The following NFASC variants were observed in gnomAD, a reference collection of about 807,000 sequenced individuals.
NFASC encodes the protein neurofascin homolog.
Under a neutral mutation model 147.5 loss-of-function variants are expected in NFASC, and 43 were observed. The ratio of observed to expected loss-of-function variants is 0.29; its 90% CI spans 0.23 to 0.38. The LOEUF is 0.38. Among genes scored for constraint, NFASC ranks in the 10% least tolerant of loss-of-function variants. The pLI, the probability that NFASC is intolerant of heterozygous loss-of-function variation, is 1.00. For synonymous variants in NFASC, 622 were observed against 665.5 expected, an observed-to-expected ratio of 0.93 and a Z score of 1.01; for missense variants, 1,320 against 1,689.0, an observed-to-expected ratio of 0.78 and a Z score of 3.83.
At chr1:204,909,277 A>G (rs2086771176) in intron 1 of NFASC, among the ~76,000 whole-genome samples, 2 of 152,154 alleles carry the variant, frequency 1.3e-5, no homozygotes, top group Admixed American at 1.3e-4. Flanking sequence ...AAATTTAGTC[A>G]TTCCAATAGG....
chr1:205,001,602 G>A (rs1001406755), intron 26 of NFASC, among the ~76,000 whole-genome samples: 3 of 152,132 alleles, frequency 2.0e-5, no homozygotes, highest in Non-Finnish European at 4.4e-5. Context: ...GCCCCCAAAT[G>A]AGCCAAATCT....
At chr1:204,887,732 G>A (rs1298571972) in intron 1 of NFASC, among the ~76,000 whole-genome samples, 1 of 151,592 alleles carries the variant, frequency 6.6e-6, no homozygotes, top group Admixed American at 6.6e-5. Flanking sequence ...AAGTAGCTGG[G>A]ACCACAGGTG....
In NFASC at chr1:205,018,888, TTC is replaced by T. The variant is rs1289969532; in HGVS notation, c.*2354_*2355del. On this transcript the variant is annotated 3_prime_UTR_variant, in exon 30 of 30. Coordinates refer to ENST00000339876, the MANE Select transcript of NFASC (RefSeq NM_001005388.3). The stretch of plus-strand genomic sequence containing the variant: ...CCACCTGGTGACTGGGAAGGGCTGC[TTC>T]TCTCGTAAGGGTCTTGGGGAGAAGT... 1 of 152,296 alleles carries T rather than the reference TTC, an allele frequency of 6.6e-6. No homozygotes were observed. The highest frequency in any genetic ancestry group is 1.5e-5 in the Non-Finnish European group (1 of 68,104). 9.4% of individuals were successfully genotyped at this position (152,296 alleles called of 1,614,324 possible).
intron 21 of NFASC, chr1:204,984,153 C>T (rs368070970): frequency 8.8e-6 from 14 of 1,582,778 alleles, no homozygotes; most frequent in Non-Finnish European, 1.2e-5. Context: ...GTGAGGAAGC[C>T]AGCTCCGGAC....
At chr1:204,851,561 G>C (rs372237016) in intron 1 of NFASC, among the ~76,000 whole-genome samples, 5 of 151,908 alleles carry the variant, frequency 3.3e-5, no homozygotes, top group African/African-American at 1.2e-4. Flanking sequence ...TCAAACTCCT[G>C]ACCTCAAGTG....
intron 24 of NFASC, among the ~76,000 whole-genome samples, chr1:204,996,602 G>C (rs904014225): frequency 2.4e-4 from 37 of 152,316 alleles, no homozygotes; most frequent in African/African-American, 8.4e-4. Context: ...GCTCACCCGC[G>C]CAGAGTGGAG....
intron 1 of NFASC, among the ~76,000 whole-genome samples, chr1:204,845,957 G>T (rs1379779312): frequency 1.3e-5 from 2 of 152,102 alleles, no homozygotes; most frequent in African/African-American, 4.8e-5. Context: ...GCTGGAATTC[G>T]GAAGAAATGG....
chr1:204,843,702 TTCTC>T (rs1400427126), intron 1 of NFASC, among the ~76,000 whole-genome samples: 2 of 143,242 alleles, frequency 1.4e-5, no homozygotes, highest in African/African-American at 5.2e-5. Context: ...CTTTCTCTCT[TTCTC>T]TCTCTTTCTC....
chr1:204,876,996 G>A (rs200876908), intron 1 of NFASC, among the ~76,000 whole-genome samples: 2,423 of 74,140 alleles, frequency 0.033, 103 homozygotes, highest in East Asian at 0.21. Context: ...GGCTAAATAT[G>A]TATATATATA....
intron 23 of NFASC, chr1:204,989,090 T>C (rs940823498): frequency 4.2e-6 from 2 of 478,112 alleles, no homozygotes; most frequent in Non-Finnish European, 7.6e-6. Flanking sequence ...TGTAGAGGAA[T>C]AAGGAAGAGA....
At chr1:205,004,158 C>CA (rs1285479608) in intron 27 of NFASC, among the ~76,000 whole-genome samples, 1 of 152,156 alleles carries the variant, frequency 6.6e-6, no homozygotes, top group African/African-American at 2.4e-5. Flanking sequence ...AGCACAGCAG[C>CA]AAAAAGCAAA....
intron 1 of NFASC, among the ~76,000 whole-genome samples, chr1:204,888,775 G>T (rs1255155506): frequency 2.6e-5 from 4 of 152,182 alleles, no homozygotes; most frequent in African/African-American, 4.8e-5. Flanking sequence ...TGACAAGATG[G>T]CAAGAATGCT....
chr1:204,965,842 G>A (rs1219203010), intron 8 of NFASC, among the ~76,000 whole-genome samples: 1 of 152,212 alleles, frequency 6.6e-6, no homozygotes, highest in Non-Finnish European at 1.5e-5. Flanking sequence ...GAAAGCACAC[G>A]TTTTTGGTGC....
chr1:204,891,912 G>C (rs1334130244), intron 1 of NFASC, among the ~76,000 whole-genome samples: 1 of 152,168 alleles, frequency 6.6e-6, no homozygotes, highest in Non-Finnish European at 1.5e-5. Context: ...AACTAACCCA[G>C]TCTACGAGGA....
chr1:204,989,010 C>T, intron 23 of NFASC: 2 of 599,940 alleles, frequency 3.3e-6, no homozygotes, highest in South Asian at 4.0e-5. Flanking sequence ...CCTTGGACCA[C>T]TGTGGTCACA....
At chr1:204,926,932 G>A (rs1472187348) in intron 2 of NFASC, among the ~76,000 whole-genome samples, 1 of 151,936 alleles carries the variant, frequency 6.6e-6, no homozygotes, top group Non-Finnish European at 1.5e-5. Flanking sequence ...AAATTAGCTG[G>A]TGCACGGCAG....
At chr1:204,830,003 T>TGG (rs949737935) in intron 1 of NFASC, among the ~76,000 whole-genome samples, 1 of 96,540 alleles carries the variant, frequency 1.0e-5, no homozygotes, top group East Asian at 3.5e-4. Flanking sequence ...CATTTTGGCA[T>TGG]GGGGTGTGTG....
rs2082436030 is a variant in NFASC at position 204,891,754 on chromosome 1, A to G, written c.-199-28878A>G. 2.0e-5 allele frequency among the ~76,000 whole-genome samples: 3 copies of G among 152,148 alleles called. No homozygotes were observed. In the South Asian group the frequency reaches 6.2e-4, roughly 32 times the overall value. On this transcript the variant is annotated intron_variant, in intron 1 of 29. Transcript: ENST00000339876. ...GCTGGAGTAGGTTGGTCCAGGAAAC[A>G]TTATTGTTTTCCTATGGGGGACTCC... is the stretch of plus-strand genomic sequence containing the variant.
chr1:204,949,455 G>T (rs1344750137), intron 3 of NFASC, among the ~76,000 whole-genome samples: 2 of 152,224 alleles, frequency 1.3e-5, no homozygotes, highest in African/African-American at 2.4e-5. Context: ...GAAAAAGTCA[G>T]CCTGCAACAA....
Sources: allele counts gnomAD v4.1 joint callset (sites outside exome capture counted in the v4.1 genomes callset), GRCh38; gene constraint gnomAD v4.1.1; transcripts MANE v1.5; gene names NCBI Gene and HGNC (gene_info 2026-07-23, HGNC 2026-07-21).